The following GALNT15 variants were observed in gnomAD, a reference collection of about 807,000 sequenced individuals.
GALNT15 encodes polypeptide N-acetylgalactosaminyltransferase 15.
A neutral mutation model predicts 66.8 loss-of-function variants in GALNT15; 67 were observed. The observed-to-expected ratio is 1.00, with a 90% CI of 0.82 to 1.23. The LOEUF is 1.23. GALNT15 is among the 50% of genes most tolerant of loss of function. The pLI is 0.00. For synonymous variants in GALNT15, 313 were observed against 311.5 expected (o/e 1.00, Z -0.05); for missense variants, 827 against 804.3 (o/e 1.03, Z -0.34).
chr3:16,206,215 AC>A (rs1167206596), intron 3 of GALNT15, among the ~76,000 whole-genome samples: 1 of 151,946 alleles, frequency 6.6e-6, no homozygotes, highest in Admixed American at 6.6e-5. Context: ...CCATTTCTAC[AC>A]GCACACACAC....
rs1305970124 is a variant in GALNT15 at position 16,209,251 on chromosome 3, A to G, written c.1079+581A>G. Among the ~76,000 whole-genome samples the G allele has an allele frequency of 2.6e-5, 4 of 152,222 alleles. No homozygotes were observed. Among genetic ancestry groups the G allele is most frequent in the Admixed American group, 2.0e-4 (3 of 15,282 alleles). On this transcript the variant is annotated intron_variant, in intron 4 of 9. Transcript: ENST00000339732. This position sits in a 1 kb window ranked among gnomAD's most constrained non-coding sequence, Gnocchi z 4.1. ...ACTTGGTGTAAAACACAGCCATTTT[A>G]TTAAGCTCATGAATTCTGTGGGATA...
downstream of GALNT15, among the ~76,000 whole-genome samples, chr3:16,236,489 G>A (rs2064126396): frequency 6.6e-6 from 1 of 152,258 alleles, no homozygotes; most frequent in South Asian, 2.1e-4. Flanking sequence ...TTGGCCAACA[G>A]CCATAGTTTG....
Position 16,200,836 on chromosome 3 carries a change from C to T in GALNT15, c.911+13C>T. 6.3e-7 allele frequency: 1 copy of T among 1,586,986 alleles called. No individual in the cohort carries two copies. Among genetic ancestry groups the T allele is most frequent in the Non-Finnish European group, 8.6e-7 (1 of 1,166,720 alleles). ...TAGCTGGTGACAGGTAACTTATTCC[C>T]TGGGCTTGCAAAGCAAGACATGGAA... On this transcript the variant is annotated intron_variant, in intron 3 of 9. Coordinates refer to ENST00000339732, the MANE Select transcript of GALNT15 (RefSeq NM_054110.5). This position sits in a 1 kb window ranked among gnomAD's most constrained non-coding sequence, Gnocchi z 4.4.
intron 3 of GALNT15, among the ~76,000 whole-genome samples, chr3:16,206,949 C>G (rs1326828810): frequency 1.3e-5 from 2 of 152,140 alleles, no homozygotes; most frequent in African/African-American, 4.8e-5. Flanking sequence ...TCTGGGTGCC[C>G]TCATTTCCTC....
rs569067646 is a variant in GALNT15 at position 16,198,949 on chromosome 3, G to A, written c.707-1670G>A. On this transcript the variant is annotated intron_variant, in intron 2 of 9. Coordinates refer to ENST00000339732, the MANE Select transcript of GALNT15 (RefSeq NM_054110.5). ...CCACCTCTGGGCTGGGGAACTGGGGGGGAAATTCTTGCTTTTTGGCTCAGT... is the reference window on the plus strand; with the variant it reads ...CCACCTCTGGGCTGGGGAACTGGGGAGGAAATTCTTGCTTTTTGGCTCAGT... Among the ~76,000 whole-genome samples the A allele has an allele frequency of 1.4e-5, 2 of 142,426 alleles. 1 individual carries two copies. Among genetic ancestry groups the A allele is most frequent in the Admixed American group, 1.4e-4 (2 of 14,050 alleles). The allele number at this position is 142,426 out of a possible 152,430, so 93.4% of individuals were successfully genotyped here. A position where few individuals can be genotyped will look rare whatever the true frequency, so the allele number is the denominator to read the frequency against.
rs186400617 is a variant in GALNT15, at chr3:16,186,189, G to A, written c.540-9571G>A. ...GACATAAAAATGGTCAATAGCACACGAAAAGATGTTCAAATCATTAGTCAG... is the reference window on the plus strand; with the variant it reads ...GACATAAAAATGGTCAATAGCACACAAAAAGATGTTCAAATCATTAGTCAG... On this transcript the variant is annotated intron_variant, in intron 1 of 9. Transcript: ENST00000339732. The surrounding 1 kb of genome is among the most constrained non-coding windows in gnomAD (Gnocchi z 5.1). 1.8e-4 allele frequency among the ~76,000 whole-genome samples: 27 copies of A among 152,282 alleles called. No individual in the cohort carries two copies. Among genetic ancestry groups the A allele is most frequent in the East Asian group, 3.9e-4 (2 of 5,184 alleles).
At chr3:16,244,571 G>T in the GALNT15 span, among the ~76,000 whole-genome samples, 2 of 152,356 alleles carry the variant, frequency 1.3e-5, no homozygotes, top group East Asian at 3.9e-4. Context: ...AGTCAGCACA[G>T]TTGGGGTACA....
the GALNT15 span, among the ~76,000 whole-genome samples, chr3:16,246,228 G>C: frequency 1.3e-5 from 2 of 151,574 alleles, no homozygotes; most frequent in African/African-American, 4.9e-5. Context: ...TCCACTCAGA[G>C]CACACTGGCC....
chr3:16,175,657 T>G lies in GALNT15; in HGVS notation c.506T>G (p.Leu169Arg). Residue 169 changes from leucine (L) to arginine (R), a missense_variant, in exon 1 of 10, where the codon CTC (leucine) becomes CGC (arginine). By Grantham distance (102) the Leu-to-Arg change is moderately radical. Coordinates refer to ENST00000339732, the MANE Select transcript of GALNT15 (RefSeq NM_054110.5). The surrounding 1 kb of genome is among the most constrained non-coding windows in gnomAD (Gnocchi z 5.6). ...GAGGCACTCAGTGCCCGCATCCCCC[T>G]CCAGAGGGCTCTGCCCGAGGTGCGG... ...LQEALSARIPLQRALPEVRHP... is the reference protein window; with the variant it reads ...LQEALSARIPRQRALPEVRHP... The G allele has an allele frequency of 6.2e-7, 1 of 1,606,278 alleles. No individual in the cohort carries two copies. Among genetic ancestry groups the G allele is most frequent in the South Asian group, 1.1e-5 (1 of 90,468 alleles).
rs1559675090 is a variant in GALNT15, at chr3:16,181,806, T to C, written c.539+6116T>C. ...AGGGAAGACAACCCAGTATGGGCAG[T>C]GTGAGTGGTGCTTATGGGGCCTGGC... is the stretch of plus-strand genomic sequence containing the variant. On this transcript the variant is annotated intron_variant, in intron 1 of 9. Transcript: ENST00000339732. This position sits in a 1 kb window ranked among gnomAD's most constrained non-coding sequence, Gnocchi z 5.9. Among the ~76,000 whole-genome samples the C allele has an allele frequency of 6.6e-6, 1 of 152,038 alleles. No individual in the cohort carries two copies. Among genetic ancestry groups the C allele is most frequent in the African/African-American group, 2.4e-5 (1 of 41,382 alleles).
At chr3:16,233,413 C>G (rs113606070), downstream of GALNT15, among the ~76,000 whole-genome samples, 2 of 152,240 alleles carry the variant, frequency 1.3e-5, no homozygotes, top group African/African-American at 4.8e-5. Context: ...GTATCCTGTT[C>G]AATGTAATAA....
At chr3:16,241,128 C>T in the GALNT15 span, among the ~76,000 whole-genome samples, 1 of 152,138 alleles carries the variant, frequency 6.6e-6, no homozygotes, top group Non-Finnish European at 1.5e-5. This position sits in a 1 kb window ranked among gnomAD's most constrained non-coding sequence, Gnocchi z 4.6. Context: ...GCATATGTAG[C>T]CCTGTCTTAA....
chr3:16,227,397 C>T lies in GALNT15; in HGVS notation c.1817C>T (p.Ala606Val), dbSNP rs1198119597. ...ATTCTTTCTGGGAAATGCATGGAAG[C>T]TGTGGTGCAAGAAAACAATAAAGAT... ...VHILSGKCME[A>V]VVQENNKDLY... The change falls in exon 10 of 10, where the codon GCT becomes GTT. Residue 606 changes from alanine to valine, a missense_variant. Ala to Val is a moderately conservative substitution (Grantham distance 64). Coordinates refer to ENST00000339732, the MANE Select transcript of GALNT15 (RefSeq NM_054110.5). This position sits in a 1 kb window ranked among gnomAD's most constrained non-coding sequence, Gnocchi z 4.5. 3 of 1,613,852 alleles carry T rather than the reference C, an allele frequency of 1.9e-6. No homozygotes were observed. Among genetic ancestry groups the T allele is most frequent in the Non-Finnish European group, 2.5e-6 (3 of 1,179,966 alleles).
In GALNT15 at chr3:16,187,962, T is replaced by C. The variant is rs146510235; in HGVS notation, c.540-7798T>C. Among the ~76,000 whole-genome samples the C allele has an allele frequency of 1.1e-3, 172 of 152,312 alleles. 1 individual carries two copies. Among genetic ancestry groups the C allele is most frequent in the Non-Finnish European group, 1.9e-3 (126 of 68,020 alleles). ...CAAAGGTGGAAGGATCTTTAGATAT[T>C]ACACAGTGAATCCCTCAGTGTCAGA... On this transcript the variant is annotated intron_variant, in intron 1 of 9. Coordinates refer to ENST00000339732, the MANE Select transcript of GALNT15 (RefSeq NM_054110.5). The surrounding 1 kb of genome is among the most constrained non-coding windows in gnomAD (Gnocchi z 5.1).
rs1199212043 is a variant in GALNT15 at position 16,175,346 on chromosome 3, G to A, written c.195G>A (p.Gln65=). 6.2e-7 allele frequency: 1 copy of A among 1,614,182 alleles called. No homozygotes were observed. The highest frequency in any genetic ancestry group is 1.7e-5 in the Admixed American group (1 of 60,038). Residue 65 remains glutamine (Q), a synonymous_variant, in exon 1 of 10, where the codon CAG becomes CAA. Coordinates refer to ENST00000339732, the MANE Select transcript of GALNT15 (RefSeq NM_054110.5). This position sits in a 1 kb window ranked among gnomAD's most constrained non-coding sequence, Gnocchi z 5.6. ...ACCGCCTGGACTTTGGGGAATCCCA[G>A]GATTGGGTACTGGAAGCTGAGGATG... ...ARYRLDFGES[Q]DWVLEAEDEG... is the part of the protein sequence containing the mutation.
chr3:16,219,257 C>T lies in GALNT15; in HGVS notation c.1393-146C>T, dbSNP rs1221389727. On this transcript the variant is annotated intron_variant, in intron 6 of 9. Transcript: ENST00000339732. This position sits in a 1 kb window ranked among gnomAD's most constrained non-coding sequence, Gnocchi z 4.3. ...CTTCTTCTCCCAACACATGACCCTC[C>T]CCACTGCAGCCCTGGAGAACTGTGG... The T allele has an allele frequency of 1.1e-6, 1 of 916,522 alleles. No individual in the cohort carries two copies. Among genetic ancestry groups the T allele is most frequent in the Middle Eastern group, 2.4e-4 (1 of 4,154 alleles). 56.8% of individuals were successfully genotyped at this position (916,522 alleles called of 1,614,324 possible). A position where few individuals can be genotyped will look rare whatever the true frequency, so the allele number is the denominator to read the frequency against.
the GALNT15 span, among the ~76,000 whole-genome samples, chr3:16,247,859 G>C: frequency 1.3e-5 from 2 of 152,152 alleles, no homozygotes; most frequent in African/African-American, 4.8e-5. Flanking sequence ...TGCTCATGAG[G>C]CCTGGCTTGG....
chr3:16,246,998 A>G, the GALNT15 span, among the ~76,000 whole-genome samples: 1 of 152,152 alleles, frequency 6.6e-6, no homozygotes, highest in African/African-American at 2.4e-5. Flanking sequence ...CCTCTTCAGA[A>G]TGTGGCTTTT....
Position 16,183,585 on chromosome 3 carries a change from A to G in GALNT15, c.539+7895A>G, listed in dbSNP as rs189292134. ...AGAAGTAAGAAGGTAAGCAATACCC[A>G]GCCCCAACCCCAAGAAGCTTGGGGT... On this transcript the variant is annotated intron_variant, in intron 1 of 9. Transcript: ENST00000339732. The surrounding 1 kb of genome is among the most constrained non-coding windows in gnomAD (Gnocchi z 5.2). 3.7e-4 allele frequency among the ~76,000 whole-genome samples: 57 copies of G among 152,370 alleles called. No individual in the cohort carries two copies. The highest frequency in any genetic ancestry group is 1.3e-3 in the African/African-American group (55 of 41,596).
Sources: allele counts gnomAD v4.1 joint callset (sites outside exome capture counted in the v4.1 genomes callset), GRCh38; gene constraint gnomAD v4.1.1; non-coding constraint Gnocchi (gnomAD v3.1); transcripts MANE v1.5; gene names NCBI Gene and HGNC (gene_info 2026-07-23, HGNC 2026-07-21).